The following CTDSPL2 variants were observed in gnomAD, a reference collection of about 807,000 sequenced individuals.
CTDSPL2 encodes the protein CTD small phosphatase like 2.
CTDSPL2 carries 5 observed loss-of-function variants against 60.0 expected under a neutral mutation model. That is an observed-to-expected ratio of 0.08 (90% confidence interval 0.04 to 0.18). CTDSPL2 has a LOEUF of 0.18. CTDSPL2 is among the 10% of genes least tolerant of loss of function. CTDSPL2 has a pLI of 1.00. For synonymous variants in CTDSPL2, 186 were observed against 189.3 expected (o/e 0.98, Z 0.14); for missense variants, 370 against 548.8 (o/e 0.67, Z 3.26).
rs371919355 is a variant in CTDSPL2, at chr15:44,497,145, A to G, written c.882+7A>G. On this transcript the variant is annotated splice_region_variant and intron_variant, in intron 7 of 12. Transcript: ENST00000260327. ...CTCCCTAGTTTTAGACTTGGTAAGT[A>G]TATTATCTGTAGAGGTAGAGAGAAT... 1 of 1,489,666 alleles carries G rather than the reference A, an allele frequency of 6.7e-7. No individual in the cohort carries two copies. The highest frequency in any genetic ancestry group is 9.3e-7 in the Non-Finnish European group (1 of 1,070,952). The allele number at this position is 1,489,666 out of a possible 1,614,324, so 92.3% of individuals were successfully genotyped here. A position where few individuals can be genotyped will look rare whatever the true frequency, so the allele number is the denominator to read the frequency against.
chr15:44,488,923 C>G (rs1047822868), intron 4 of CTDSPL2, among the ~76,000 whole-genome samples: 3 of 152,046 alleles, frequency 2.0e-5, no homozygotes, highest in Non-Finnish European at 4.4e-5. Flanking sequence ...AAGGTGTGTA[C>G]AGAAATAGAT....
intron 1 of CTDSPL2, among the ~76,000 whole-genome samples, chr15:44,438,289 G>A (rs1027148571): frequency 1.1e-4 from 17 of 151,826 alleles, no homozygotes; most frequent in Non-Finnish European, 2.4e-4. Context: ...GAATGTGGCA[G>A]CAAATAGCAA....
At chr15:44,462,700 C>CTTTTTTTTTTTTTTTTTTT (rs554319789) in intron 2 of CTDSPL2, among the ~76,000 whole-genome samples, 5 of 83,746 alleles carry the variant, frequency 6.0e-5, no homozygotes, top group African/African-American at 2.3e-4. Flanking sequence ...ACACTCAGGA[C>CTTTTTTTTTTTTTTTTTTT]TTTTTTTTTT....
chr15:44,445,354 A>T (rs1338422334), intron 1 of CTDSPL2, among the ~76,000 whole-genome samples: 1 of 151,034 alleles, frequency 6.6e-6, no homozygotes, highest in South Asian at 2.1e-4. Context: ...CACCTAGCAA[A>T]TTTTTTTGTA....
chr15:44,430,107 A>G (rs531834692), intron 1 of CTDSPL2, among the ~76,000 whole-genome samples: 1 of 152,234 alleles, frequency 6.6e-6, no homozygotes, highest in African/African-American at 2.4e-5. Context: ...GCTGATCTCA[A>G]GTTTGTGATT....
At chr15:44,518,392 T>C (rs1254361956) in intron 10 of CTDSPL2, among the ~76,000 whole-genome samples, 1 of 152,214 alleles carries the variant, frequency 6.6e-6, no homozygotes, top group Non-Finnish European at 1.5e-5. Flanking sequence ...TCTAAAATGA[T>C]GTAGTATTTT....
At chr15:44,515,043 A>G (rs559615362) in intron 10 of CTDSPL2, among the ~76,000 whole-genome samples, 199 bp downstream of exon 10, 1 of 152,266 alleles carries the variant, frequency 6.6e-6, no homozygotes, top group East Asian at 1.9e-4. Flanking sequence ...AAAGGATACA[A>G]AGATCCAGTG....
intron 1 of CTDSPL2, among the ~76,000 whole-genome samples, chr15:44,441,342 C>T (rs538758325): frequency 2.6e-5 from 4 of 152,254 alleles, no homozygotes; most frequent in East Asian, 3.9e-4. Context: ...GTTGGGGCTT[C>T]GTATTTTTCC....
At chr15:44,432,480 C>T (rs948721048) in intron 1 of CTDSPL2, among the ~76,000 whole-genome samples, 6 of 151,790 alleles carry the variant, frequency 4.0e-5, no homozygotes, top group African/African-American at 4.8e-5. Flanking sequence ...CCACCATGCT[C>T]GGCTAATTTT....
At chr15:44,493,250 A>G (rs2081246239) in intron 5 of CTDSPL2, among the ~76,000 whole-genome samples, 1 of 152,158 alleles carries the variant, frequency 6.6e-6, no homozygotes, top group African/African-American at 2.4e-5. Flanking sequence ...TCTGATTGGG[A>G]TGATCATGAG....
At chr15:44,469,858 G>T (rs2080768827) in intron 2 of CTDSPL2, among the ~76,000 whole-genome samples, 1 of 152,136 alleles carries the variant, frequency 6.6e-6, no homozygotes, top group African/African-American at 2.4e-5. Context: ...AGCACTTTGG[G>T]AGGCCGAGGT....
At position 44,438,299 on chromosome 15, in the gene CTDSPL2, A is replaced by G. The variant is rs140896141; in HGVS notation, c.-25+10527A>G. On this transcript the variant is annotated intron_variant, in intron 1 of 12. Coordinates refer to ENST00000260327, the MANE Select transcript of CTDSPL2 (RefSeq NM_016396.3). ...AAAAAGAATGTGGCAGCAAATAGCA[A>G]TGAAAACAGACTGGGAAGTAGTTAT... Among the ~76,000 whole-genome samples, 1,112 of 152,266 alleles carry G rather than the reference A, an allele frequency of 7.3e-3. 12 individuals are homozygous for G. The highest frequency in any genetic ancestry group is 0.026 in the African/African-American group (1,063 of 41,562).
intron 1 of CTDSPL2, among the ~76,000 whole-genome samples, chr15:44,429,550 T>C (rs533987605): frequency 1.3e-5 from 2 of 152,346 alleles, no homozygotes; most frequent in East Asian, 3.9e-4. Context: ...TTGCACTCTT[T>C]TAATGCTTTC....
At chr15:44,435,787 A>C (rs574396502) in intron 1 of CTDSPL2, among the ~76,000 whole-genome samples, 3 of 151,728 alleles carry the variant, frequency 2.0e-5, no homozygotes, top group African/African-American at 7.3e-5. Context: ...TTGTGCTTTT[A>C]GTAGAGACGG....
intron 8 of CTDSPL2, 62 bp downstream of exon 8, chr15:44,499,875 T>C: frequency 7.6e-6 from 7 of 919,232 alleles, no homozygotes; most frequent in South Asian, 7.0e-5. Context: ...AAAAAAACTT[T>C]TGTATTTTTT....
intron 1 of CTDSPL2, among the ~76,000 whole-genome samples, chr15:44,434,723 A>C (rs747898557): frequency 6.6e-6 from 1 of 151,772 alleles, no homozygotes; most frequent in African/African-American, 2.4e-5. Context: ...TTTCTTTCTT[A>C]TTTATTGAAG....
At chr15:44,504,491 T>C (rs993576249) in intron 8 of CTDSPL2, among the ~76,000 whole-genome samples, 1 of 152,184 alleles carries the variant, frequency 6.6e-6, no homozygotes, top group African/African-American at 2.4e-5. Context: ...TTGTAGTAAA[T>C]ACCTAATTTT....
At chr15:44,450,035 A>G (rs2080303461) in intron 1 of CTDSPL2, among the ~76,000 whole-genome samples, 2 of 152,044 alleles carry the variant, frequency 1.3e-5, no homozygotes, top group Admixed American at 1.3e-4. Flanking sequence ...TTATGAAATA[A>G]TGATCCTTAT....
intron 2 of CTDSPL2, 60 bp from the exon 3 acceptor site, chr15:44,484,164 T>C (rs1323406565): frequency 9.0e-6 from 13 of 1,439,024 alleles, no homozygotes; most frequent in Non-Finnish European, 1.2e-5. Context: ...ATTTTAATAT[T>C]GTAACCTGTA....
Sources: allele counts gnomAD v4.1 joint callset (sites outside exome capture counted in the v4.1 genomes callset), GRCh38; gene constraint gnomAD v4.1.1; transcripts MANE v1.5; gene names NCBI Gene and HGNC (gene_info 2026-07-23, HGNC 2026-07-21).